Variants in DLGAP1 observed in about 807,000 individuals in gnomAD.
DLGAP1 encodes DLG associated protein 1.
A neutral mutation model predicts 90.8 loss-of-function variants in DLGAP1; 11 were observed. That is an observed-to-expected ratio of 0.12 (90% CI 0.08 to 0.20). The LOEUF (loss-of-function observed/expected upper bound fraction) is 0.20. Among genes scored for constraint, DLGAP1 ranks in the 10% least tolerant of loss-of-function variants. DLGAP1 has a pLI of 1.00. For synonymous variants in DLGAP1, 558 were observed against 540.7 expected (o/e 1.03, Z -0.44); for missense variants, 1,050 against 1,333.8 (o/e 0.79, Z 3.31).
chr18:3,702,098 C>T (rs1205425394), intron 7 of DLGAP1, among the ~76,000 whole-genome samples: 3 of 152,174 alleles, frequency 2.0e-5, no homozygotes, highest in Non-Finnish European at 4.4e-5. Flanking sequence ...GTCCCCCATG[C>T]TGGAGGGCAA....
intron 1 of DLGAP1, among the ~76,000 whole-genome samples, chr18:4,393,452 T>C (rs2082378135): frequency 1.3e-5 from 2 of 152,330 alleles, no homozygotes; most frequent in South Asian, 2.1e-4. Flanking sequence ...ATTTTTCAGA[T>C]GGTTGATTCT....
chr18:4,132,162 T>C (rs1240072007), intron 2 of DLGAP1, among the ~76,000 whole-genome samples: 2 of 152,168 alleles, frequency 1.3e-5, no homozygotes, highest in African/African-American at 2.4e-5. Context: ...TGGTACAGCA[T>C]GTAAAATCTG....
Position 3,527,006 on chromosome 18 carries a change from G to A in DLGAP1, c.2479+7188C>T, listed in dbSNP as rs545697875. ...CCAAAAAAAAAAAGGTACTGTCGAC[G>A]GTTGGGGTTGAAGGTTTAAAACAAG... On this transcript the variant is annotated intron_variant, in intron 10 of 12. Transcript: ENST00000315677. Among the ~76,000 whole-genome samples, 8 of 151,974 alleles carry A rather than the reference G, an allele frequency of 5.3e-5. No homozygotes were observed. In the South Asian group the frequency reaches 1.7e-3, roughly 32 times the overall value.
At position 3,545,931 on chromosome 18, in the gene DLGAP1, T is replaced by G. The variant is rs541183610; in HGVS notation, c.2058-11316A>C. Among the ~76,000 whole-genome samples, 4 of 152,332 alleles carry G rather than the reference T, an allele frequency of 2.6e-5. 1 individual carries two copies. Among genetic ancestry groups the G allele is most frequent in the African/African-American group, 9.6e-5 (4 of 41,588 alleles). On this transcript the variant is annotated intron_variant, in intron 9 of 12. Transcript: ENST00000315677. ...AGACCATAATATTCCTAAACATTTATGAGTTTAATAAAGAATTTCTTAATA... is the reference window on the plus strand; with the variant it reads ...AGACCATAATATTCCTAAACATTTAGGAGTTTAATAAAGAATTTCTTAATA...
chr18:4,329,710 G>A lies in DLGAP1; in HGVS notation c.-267+125296C>T, dbSNP rs139132528. Among the ~76,000 whole-genome samples, 83 of 151,962 alleles carry A rather than the reference G, an allele frequency of 5.5e-4. 2 individuals carry two copies. In the East Asian group the frequency reaches 0.015, roughly 27 times the overall value. On this transcript the variant is annotated intron_variant, in intron 1 of 12. Coordinates refer to ENST00000315677, the MANE Select transcript of DLGAP1 (RefSeq NM_004746.4). Reference sequence around the variant, plus strand: ...TCTATAGATTTTGAAAACATGGGTTGCATTTATTTCTGTTTTTAATGCTTT... The same window carrying A: ...TCTATAGATTTTGAAAACATGGGTTACATTTATTTCTGTTTTTAATGCTTT...
chr18:3,874,162 T>C, intron 4 of DLGAP1: 2 of 1,550,056 alleles, frequency 1.3e-6, no homozygotes, highest in Non-Finnish European at 1.7e-6. Context: ...ACCTGGTCAG[T>C]CCTTCCATTT....
At chr18:4,094,529 C>A (rs1193640993) in intron 2 of DLGAP1, among the ~76,000 whole-genome samples, 5 of 151,050 alleles carry the variant, frequency 3.3e-5, no homozygotes, top group Non-Finnish European at 5.9e-5. Context: ...TTTCTTATTG[C>A]CTTAAATAAA....
In DLGAP1 at chr18:4,180,103, G is replaced by A. The variant is rs368431662; in HGVS notation, c.-266-28816C>T. Among the ~76,000 whole-genome samples the A allele has an allele frequency of 3.0e-4, 46 of 152,226 alleles. 2 individuals are homozygous for A. The highest frequency in any genetic ancestry group is 5.1e-4 in the African/African-American group (21 of 41,544). ...GATCTCCCTCTCTTCACAATCATGC[G>A]TGCATCAAAGATGAATTTTCTTTGA... On this transcript the variant is annotated intron_variant, in intron 1 of 12. Coordinates refer to ENST00000315677, the MANE Select transcript of DLGAP1 (RefSeq NM_004746.4).
intron 2 of DLGAP1, among the ~76,000 whole-genome samples, chr18:4,110,843 T>G (rs921773999): frequency 2.0e-5 from 3 of 152,214 alleles, no homozygotes; most frequent in African/African-American, 7.2e-5. Flanking sequence ...CCTCTACTAT[T>G]GCTCAGAAAG....
chr18:3,741,344 A>ACCC (rs2063031474), intron 6 of DLGAP1, among the ~76,000 whole-genome samples: 1 of 136,826 alleles, frequency 7.3e-6, no homozygotes, highest in African/African-American at 3.0e-5. Context: ...CACCACCACC[A>ACCC]CCACCACCAC....
chr18:4,114,132 A>C (rs760323265), intron 2 of DLGAP1, among the ~76,000 whole-genome samples: 48 of 140,130 alleles, frequency 3.4e-4, no homozygotes, highest in Non-Finnish European at 4.8e-4. Flanking sequence ...TGAATTTTAG[A>C]ATGGTTTTTT....
At chr18:3,880,307 C>G (rs11081074) in intron 3 of DLGAP1, among the ~76,000 whole-genome samples, 167 bp from the exon 4 acceptor site, 5,420 of 152,212 alleles carry the variant, frequency 0.036, 291 homozygotes, top group African/African-American at 0.12. Flanking sequence ...CACCAGCCTC[C>G]CGAGTAGCTA....
chr18:3,770,703 G>A (rs1327454345), intron 5 of DLGAP1, among the ~76,000 whole-genome samples: 2 of 152,292 alleles, frequency 1.3e-5, no homozygotes, highest in African/African-American at 2.4e-5. Context: ...AATTGCATAC[G>A]CTATAAGGCA....
At chr18:4,238,765 A>G (rs1423667761) in intron 1 of DLGAP1, among the ~76,000 whole-genome samples, 1 of 152,186 alleles carries the variant, frequency 6.6e-6, no homozygotes, top group Non-Finnish European at 1.5e-5. Context: ...CTGCTTTCAT[A>G]TTATTAGAAA....
At chr18:4,308,430 A>G (rs1416830870) in intron 1 of DLGAP1, among the ~76,000 whole-genome samples, 1 of 152,256 alleles carries the variant, frequency 6.6e-6, no homozygotes, top group African/African-American at 2.4e-5. Flanking sequence ...GCTCTTTAAA[A>G]TAATCTGTGT....
In DLGAP1 at chr18:3,563,333, T is replaced by C. The variant is rs1434483887; in HGVS notation, c.2057+4157A>G. ...GTGTCTGACATTAATTTGGGGGAAT[T>C]CTGTTATTATTGCTTCTAATATTGC... On this transcript the variant is annotated intron_variant, in intron 9 of 12. Coordinates refer to ENST00000315677, the MANE Select transcript of DLGAP1 (RefSeq NM_004746.4). Among the ~76,000 whole-genome samples the C allele has an allele frequency of 3.9e-5, 6 of 152,292 alleles. No individual in the cohort carries two copies. In the East Asian group the frequency reaches 1.2e-3, roughly 29 times the overall value.
At chr18:3,987,805 G>A (rs1037760455) in intron 3 of DLGAP1, among the ~76,000 whole-genome samples, 3 of 151,844 alleles carry the variant, frequency 2.0e-5, no homozygotes, top group Admixed American at 6.6e-5. Flanking sequence ...ATTTCATCTT[G>A]AAATCATTAG....
intron 6 of DLGAP1, among the ~76,000 whole-genome samples, chr18:3,738,400 C>T (rs1219197557): frequency 6.1e-5 from 9 of 147,970 alleles, no homozygotes; most frequent in Non-Finnish European, 1.0e-4. Flanking sequence ...GTAACCAAAA[C>T]AGCATGGTAC....
intron 1 of DLGAP1, among the ~76,000 whole-genome samples, chr18:4,409,962 A>C (rs1040572032): frequency 2.0e-5 from 3 of 152,208 alleles, no homozygotes; most frequent in Non-Finnish European, 2.9e-5. Context: ...TATAGGATGG[A>C]ATACTACTCA....
Sources: allele counts gnomAD v4.1 joint callset (sites outside exome capture counted in the v4.1 genomes callset), GRCh38; gene constraint gnomAD v4.1.1; transcripts MANE v1.5; gene names NCBI Gene and HGNC (gene_info 2026-07-23, HGNC 2026-07-21).